The following PTGFR variants were observed in gnomAD, a reference collection of about 807,000 sequenced individuals.
PTGFR encodes prostaglandin F receptor.
Under a neutral mutation model 26.2 loss-of-function variants are expected in PTGFR, and 15 were observed. That is an observed-to-expected ratio of 0.57 (90% confidence interval 0.38 to 0.88). The LOEUF is 0.88. Among genes scored for constraint, PTGFR ranks in the 40% least tolerant of loss-of-function variants. The probability of loss-of-function intolerance (pLI) is 0.00; values close to 1 mark genes in which losing one functional copy is unlikely to be tolerated. For synonymous variants in PTGFR, 165 were observed against 151.1 expected (o/e 1.09, Z -0.68); for missense variants, 369 against 427.2 (o/e 0.86, Z 1.20).
At chr1:78,536,276 G>C in intron 2 of PTGFR, 130 bp from the exon 3 acceptor site, 5 of 853,478 alleles carry the variant, frequency 5.9e-6, no homozygotes, top group Non-Finnish European at 7.1e-6. Flanking sequence ...ATTTCTTTCT[G>C]TCAGTATTTT....
intron 2 of PTGFR, among the ~76,000 whole-genome samples, chr1:78,532,963 T>C (rs185535014): frequency 3.8e-4 from 58 of 152,266 alleles, no homozygotes; most frequent in African/African-American, 1.4e-3. Context: ...AAGGCTAATG[T>C]AGTCCTGGAG....
At chr1:78,501,155 T>C (rs972184141) in intron 2 of PTGFR, among the ~76,000 whole-genome samples, 7 of 152,212 alleles carry the variant, frequency 4.6e-5, no homozygotes, top group Admixed American at 1.3e-4. Context: ...AAAAATCTTC[T>C]GGCTTAAAGG....
intron 2 of PTGFR, among the ~76,000 whole-genome samples, chr1:78,498,459 A>G (rs1304850993): frequency 1.3e-5 from 2 of 152,174 alleles, no homozygotes; most frequent in East Asian, 3.8e-4. Flanking sequence ...AAAAGTGTAG[A>G]TGTGTACATA....
At chr1:78,505,451 T>C (rs1649807146) in intron 2 of PTGFR, among the ~76,000 whole-genome samples, 1 of 152,202 alleles carries the variant, frequency 6.6e-6, no homozygotes, top group South Asian at 2.1e-4. Context: ...TTTTTGTTTC[T>C]ACTGTAAATA....
chr1:78,512,363 G>C (rs1415547113), intron 2 of PTGFR, among the ~76,000 whole-genome samples: 1 of 152,202 alleles, frequency 6.6e-6, no homozygotes, highest in Non-Finnish European at 1.5e-5. Context: ...GGTTCTGTAG[G>C]CTGTACAGGA....
rs750447377 is a variant in PTGFR, at chr1:78,493,450, A to C, written c.707A>C (p.Gln236Pro). 3 of 1,612,376 alleles carry C rather than the reference A, an allele frequency of 1.9e-6. No individual in the cohort carries two copies. The East Asian group carries it at 6.7e-5, about 36-fold the overall frequency. ...TLLRVKFKSQ[Q>P]HRQGRSHHLE... ...TTAAGAGTTAAATTTAAAAGTCAGC[A>C]GCACAGACAAGGCAGATCTCATCAT... The change falls in exon 2 of 3, where the codon CAG (glutamine) becomes CCG (proline). Residue 236 changes from glutamine (Q) to proline (P), a missense_variant. By Grantham distance (76) the Gln-to-Pro change is moderately conservative. Coordinates refer to ENST00000370757, the MANE Select transcript of PTGFR (RefSeq NM_000959.4).
At chr1:78,514,187 T>A (rs191434144) in intron 2 of PTGFR, among the ~76,000 whole-genome samples, 2 of 152,210 alleles carry the variant, frequency 1.3e-5, no homozygotes, top group Non-Finnish European at 2.9e-5. Context: ...GTACAGCCAC[T>A]GTTTGCTTGC....
At chr1:78,516,509 G>GC (rs1476489134) in intron 2 of PTGFR, among the ~76,000 whole-genome samples, 2 of 152,146 alleles carry the variant, frequency 1.3e-5, no homozygotes, top group East Asian at 3.9e-4. Context: ...AGGACTGATT[G>GC]AGAGCAATCT....
At chr1:78,494,446 G>A (rs1649493851) in intron 2 of PTGFR, among the ~76,000 whole-genome samples, 2 of 152,308 alleles carry the variant, frequency 1.3e-5, no homozygotes, top group Admixed American at 1.3e-4. Context: ...TGGGGAAGTG[G>A]GAGGGCATCC....
At chr1:78,521,517 T>A (rs1381724860) in intron 2 of PTGFR, among the ~76,000 whole-genome samples, 4 of 152,154 alleles carry the variant, frequency 2.6e-5, no homozygotes, top group African/African-American at 9.7e-5. Context: ...ATAATTGTTT[T>A]ATTTTATTCT....
At chr1:78,513,314 T>G (rs1033976916) in intron 2 of PTGFR, among the ~76,000 whole-genome samples, 1 of 152,142 alleles carries the variant, frequency 6.6e-6, no homozygotes, top group Non-Finnish European at 1.5e-5. Context: ...GACAAGCTGA[T>G]GAGGTTTCAG....
chr1:78,498,942 A>G (rs1368379828), intron 2 of PTGFR, among the ~76,000 whole-genome samples: 1 of 152,148 alleles, frequency 6.6e-6, no homozygotes, highest in Non-Finnish European at 1.5e-5. Flanking sequence ...ACTTCTGGGA[A>G]GTTTGTAACT....
intron 2 of PTGFR, chr1:78,497,874 G>A: frequency 1.3e-6 from 2 of 1,574,326 alleles, no homozygotes; most frequent in Non-Finnish European, 8.7e-7. Flanking sequence ...TTCTCTTCAG[G>A]GATACAGAAT....
intron 2 of PTGFR, among the ~76,000 whole-genome samples, chr1:78,524,401 A>G (rs961551521): frequency 2.0e-5 from 3 of 152,116 alleles, no homozygotes; most frequent in African/African-American, 7.2e-5. Context: ...AAATACCTAG[A>G]TTCGACTTAT....
chr1:78,498,348 A>G (rs760937222), intron 2 of PTGFR, among the ~76,000 whole-genome samples: 1 of 152,172 alleles, frequency 6.6e-6, no homozygotes, highest in Non-Finnish European at 1.5e-5. Flanking sequence ...ATATATTTTA[A>G]GTGAAGAGAT....
rs1410636035 is a variant in PTGFR at position 78,493,555 on chromosome 1, GT to G, written c.798+18del. 15 of 1,515,092 alleles carry G rather than the reference GT, an allele frequency of 9.9e-6. No homozygotes were observed. In the South Asian group the frequency reaches 1.9e-4, roughly 19 times the overall value. The allele number at this position is 1,515,092 out of a possible 1,614,324, so 93.9% of individuals were successfully genotyped here. On this transcript the variant is annotated intron_variant, in intron 2 of 2. Coordinates refer to ENST00000370757, the MANE Select transcript of PTGFR (RefSeq NM_000959.4). ...AGCCCATTTCTGGTAAGAGCCTGAA[GT>G]TTTGACTTCTGCTTTCTTGGGTTAA...
chr1:78,513,720 A>T (rs1013525028), intron 2 of PTGFR, among the ~76,000 whole-genome samples: 4 of 152,214 alleles, frequency 2.6e-5, no homozygotes, highest in Non-Finnish European at 1.5e-5. Flanking sequence ...AGACAATGGA[A>T]AAAAGGCCTG....
At chr1:78,519,613 A>G (rs1650176461) in intron 2 of PTGFR, among the ~76,000 whole-genome samples, 1 of 152,166 alleles carries the variant, frequency 6.6e-6, no homozygotes, top group Non-Finnish European at 1.5e-5. Context: ...AAACATGACT[A>G]AAATGCGATA....
Position 78,510,322 on chromosome 1 carries a change from T to A in PTGFR, c.798+16781T>A, listed in dbSNP as rs139869234. Among the ~76,000 whole-genome samples, 6 of 152,294 alleles carry A rather than the reference T, an allele frequency of 3.9e-5. No homozygotes were observed. The East Asian group carries it at 7.7e-4, about 20-fold the overall frequency. On this transcript the variant is annotated intron_variant, in intron 2 of 2. Transcript: ENST00000370757. ...GGTTCTGCAGGTTGTAGAGAAAGCA[T>A]GTTGCTGGCATCGTCTCAGCTTCTG...
Sources: gnomAD v4.1 joint callset for allele counts (sites outside exome capture counted in the v4.1 genomes callset) on GRCh38, gnomAD v4.1.1 for gene constraint, MANE v1.5 for transcripts, NCBI Gene and HGNC (gene_info 2026-07-23, HGNC 2026-07-21) for gene names.